HLF: variants seen among roughly 807,000 people sequenced by gnomAD.
The protein encoded by HLF is HLF transcription factor, PAR bZIP family member, also known as hepatic leukemia factor.
Under a neutral mutation model 22.6 loss-of-function variants are expected in HLF, and 3 were observed. That is an observed-to-expected ratio of 0.13 (90% CI 0.06 to 0.34). The LOEUF is 0.34. Ranked by LOEUF, HLF falls within the 10% of genes least tolerant of loss-of-function variation. The pLI, the probability that HLF is intolerant of heterozygous loss-of-function variation, is 1.00. For missense variants in HLF, 299 were observed against 389.2 expected (o/e 0.77, Z 1.95); for synonymous variants, 151 against 151.8 (o/e 0.99, Z 0.04).
intron 2 of HLF, among the ~76,000 whole-genome samples, chr17:55,285,248 C>G (rs555358501): frequency 6.6e-6 from 1 of 152,320 alleles, no homozygotes; most frequent in South Asian, 2.1e-4. Context: ...TTGGAATGGT[C>G]TCAGTTTTGA....
intron 2 of HLF, among the ~76,000 whole-genome samples, chr17:55,306,939 A>G (rs905097547): frequency 2.0e-5 from 3 of 152,024 alleles, no homozygotes; most frequent in Non-Finnish European, 4.4e-5. Flanking sequence ...ATTGAAGGGC[A>G]TCTGCTGCTG....
chr17:55,312,637 A>G (rs1904883350), intron 2 of HLF, among the ~76,000 whole-genome samples: 1 of 152,226 alleles, frequency 6.6e-6, no homozygotes, highest in Non-Finnish European at 1.5e-5. Context: ...CTTATGTGTA[A>G]AAACCAAGAT....
chr17:55,311,566 A>T (rs1186267180), intron 2 of HLF, among the ~76,000 whole-genome samples: 1 of 152,206 alleles, frequency 6.6e-6, no homozygotes, highest in Non-Finnish European at 1.5e-5. Flanking sequence ...GCCAACATTT[A>T]AAAAATCATA....
chr17:55,310,512 C>G (rs1369655068), intron 2 of HLF, among the ~76,000 whole-genome samples: 1 of 139,806 alleles, frequency 7.2e-6, no homozygotes, highest in Non-Finnish European at 1.7e-5. Flanking sequence ...CTAGAACAAG[C>G]CTTTATATTG....
intron 2 of HLF, chr17:55,271,684 C>T (rs1399226058): frequency 2.0e-5 from 3 of 152,176 alleles, no homozygotes; most frequent in Non-Finnish European, 4.4e-5. Flanking sequence ...CATTCACCAC[C>T]ATGCCCGGCT....
At chr17:55,275,596 A>C (rs1367104977) in intron 2 of HLF, among the ~76,000 whole-genome samples, 1 of 152,226 alleles carries the variant, frequency 6.6e-6, no homozygotes, top group African/African-American at 2.4e-5. Context: ...GCTTGCAAGC[A>C]AGACTTTACA....
chr17:55,303,588 G>A (rs746895176), intron 2 of HLF, among the ~76,000 whole-genome samples: 9 of 152,172 alleles, frequency 5.9e-5, no homozygotes, highest in Non-Finnish European at 1.2e-4. Context: ...CAGCCAACAA[G>A]GAGACAGGAT....
At chr17:55,266,871 A>G (rs1473527429) in intron 1 of HLF, 3 of 906,414 alleles carry the variant, frequency 3.3e-6, no homozygotes, top group Non-Finnish European at 2.6e-6. Flanking sequence ...AAATAGCTGC[A>G]TACTTCCAAC....
At chr17:55,304,994 T>G (rs1188652899) in intron 2 of HLF, among the ~76,000 whole-genome samples, 1 of 152,246 alleles carries the variant, frequency 6.6e-6, no homozygotes, top group Non-Finnish European at 1.5e-5. Flanking sequence ...GTGGGAGCAT[T>G]GAAACAGGGT....
At chr17:55,266,858 A>G (rs2080796455) in intron 1 of HLF, 1 of 959,036 alleles carries the variant, frequency 1.0e-6, no homozygotes, top group African/African-American at 1.8e-5. Context: ...ACTTCCAGGT[A>G]GCAAATAGCT....
chr17:55,267,509 G>A, intron 1 of HLF: 1 of 454,178 alleles, frequency 2.2e-6, no homozygotes, highest in South Asian at 4.2e-5. Flanking sequence ...AGATCAGCCT[G>A]TAGCCCTGCC....
At chr17:55,306,218 T>TA (rs112296256) in intron 2 of HLF, among the ~76,000 whole-genome samples, 67 of 150,608 alleles carry the variant, frequency 4.4e-4, no homozygotes, top group Middle Eastern at 3.4e-3. Flanking sequence ...AGATCCTGTT[T>TA]AAAAAAAAAA....
chr17:55,285,398 A>T (rs2080995167), intron 2 of HLF, among the ~76,000 whole-genome samples: 1 of 152,026 alleles, frequency 6.6e-6, no homozygotes, highest in Non-Finnish European at 1.5e-5. Context: ...TTCATTTCTT[A>T]AGCAGCATTC....
chr17:55,274,797 G>A (rs111493075), intron 2 of HLF, among the ~76,000 whole-genome samples: 1 of 152,186 alleles, frequency 6.6e-6, no homozygotes, highest in East Asian at 1.9e-4. Flanking sequence ...ACAGTGCCTC[G>A]CACACAGCAA....
At chr17:55,295,848 G>A (rs1361411905) in intron 2 of HLF, among the ~76,000 whole-genome samples, 1 of 152,190 alleles carries the variant, frequency 6.6e-6, no homozygotes, top group Non-Finnish European at 1.5e-5. Context: ...GGGAAATAGC[G>A]TGGAGGAGGA....
In HLF at chr17:55,321,515, A is replaced by T; in HGVS notation, c.*636A>T. 1 of 229,180 alleles carries T rather than the reference A, an allele frequency of 4.4e-6. No individual in the cohort carries two copies. Among genetic ancestry groups the T allele is most frequent in the Non-Finnish European group, 8.7e-6 (1 of 115,280 alleles). 14.2% of individuals were successfully genotyped at this position (229,180 alleles called of 1,614,324 possible). On this transcript the variant is annotated 3_prime_UTR_variant, in exon 4 of 4. Transcript: ENST00000226067. ...CCATATTTACTTACTGCTATCTACTAAGTTTCCTTTTAATTCTACCAACCC... is the reference window on the plus strand; with the variant it reads ...CCATATTTACTTACTGCTATCTACTTAGTTTCCTTTTAATTCTACCAACCC...
At chr17:55,301,327 A>G (rs1006174722) in intron 2 of HLF, among the ~76,000 whole-genome samples, 21 of 152,274 alleles carry the variant, frequency 1.4e-4, no homozygotes, top group Non-Finnish European at 3.1e-4. Context: ...GTAGGGGCTC[A>G]ATAAAAGTGT....
rs1196150030 is a variant in HLF at position 55,265,033 on chromosome 17, G to T, written c.-452G>T. 1 of 167,554 alleles carries T rather than the reference G, an allele frequency of 6.0e-6. No individual in the cohort carries two copies. The highest frequency in any genetic ancestry group is 1.3e-5 in the Non-Finnish European group (1 of 78,646). 10.4% of individuals were successfully genotyped at this position (167,554 alleles called of 1,614,324 possible). A position where few individuals can be genotyped will look rare whatever the true frequency, so the allele number is the denominator to read the frequency against. On this transcript the variant is annotated 5_prime_UTR_variant, in exon 1 of 4. Transcript: ENST00000226067. ...GCGCTGCGGGGCCGCGGAGCGCTGG[G>T]GAGCAGCGGCCGCCGGCGCGGGGAG...
chr17:55,289,978 A>C (rs918360614), intron 2 of HLF, among the ~76,000 whole-genome samples: 3 of 152,180 alleles, frequency 2.0e-5, no homozygotes, highest in African/African-American at 7.2e-5. Flanking sequence ...TGTTGGAGAG[A>C]AGGGGGCTCA....
Sources: allele counts gnomAD v4.1 joint callset (sites outside exome capture counted in the v4.1 genomes callset), GRCh38; gene constraint gnomAD v4.1.1; transcripts MANE v1.5; gene names NCBI Gene and HGNC (gene_info 2026-07-23, HGNC 2026-07-21).